The following ASXL1 variants were observed in gnomAD, a reference collection of about 807,000 sequenced individuals.
ASXL1 encodes the protein polycomb group protein ASXL1.
ASXL1 carries 65 observed loss-of-function variants against 89.1 expected under a neutral mutation model. That is an observed-to-expected ratio of 0.73 (90% confidence interval 0.60 to 0.90). The LOEUF (loss-of-function observed/expected upper bound fraction) is 0.90, where lower values mean the gene tolerates loss of function less well. ASXL1 is among the 40% of genes least tolerant of loss of function. The pLI, the probability that ASXL1 is intolerant of heterozygous loss-of-function variation, is 0.00. For missense variants in ASXL1, 1,786 were observed against 1,942.9 expected, an observed-to-expected ratio of 0.92 and a Z score of 1.52; for synonymous variants, 739 against 746.9, an observed-to-expected ratio of 0.99 and a Z score of 0.17.
intron 4 of ASXL1, among the ~76,000 whole-genome samples, chr20:32,382,540 C>T (rs759489118): frequency 4.0e-5 from 6 of 148,878 alleles, no homozygotes; most frequent in Non-Finnish European, 8.9e-5. Context: ...GAGGCTGAGT[C>T]GTCAGGAAGT....
At chr20:32,400,066 T>C (rs1238087462) in intron 4 of ASXL1, among the ~76,000 whole-genome samples, 2 of 147,318 alleles carry the variant, frequency 1.4e-5, no homozygotes, top group East Asian at 4.0e-4. Flanking sequence ...CCGGCCATAT[T>C]TTACCTTTTT....
intron 8 of ASXL1, chr20:32,430,328 G>GT (rs965764013): frequency 7.6e-6 from 3 of 395,966 alleles, no homozygotes; most frequent in Non-Finnish European, 1.3e-5. Context: ...CATAGTAAGT[G>GT]TTTGAGTGAG....
intron 8 of ASXL1, chr20:32,430,765 A>G (rs908899059): frequency 3.9e-5 from 11 of 283,984 alleles, no homozygotes; most frequent in Non-Finnish European, 6.7e-5. Flanking sequence ...TGCTCAATCT[A>G]AGGTCTCACA....
At chr20:32,407,152 G>A (rs1468670047) in intron 4 of ASXL1, among the ~76,000 whole-genome samples, 1 of 152,072 alleles carries the variant, frequency 6.6e-6, no homozygotes, top group Non-Finnish European at 1.5e-5. Context: ...GATTAGCCTG[G>A]TCAACATGGT....
chr20:32,414,773 A>T (rs952909271), intron 4 of ASXL1, among the ~76,000 whole-genome samples: 1 of 152,064 alleles, frequency 6.6e-6, no homozygotes, highest in Non-Finnish European at 1.5e-5. Flanking sequence ...GAGGGTGGGG[A>T]CCTAGATGCT....
chr20:32,392,919 G>A (rs1174346674), intron 4 of ASXL1, among the ~76,000 whole-genome samples: 2 of 152,084 alleles, frequency 1.3e-5, no homozygotes, highest in Non-Finnish European at 2.9e-5. Context: ...GGTTCCACGG[G>A]CACTTGAAAA....
At chr20:32,372,302 G>A in intron 4 of ASXL1, 4 of 1,217,300 alleles carry the variant, frequency 3.3e-6, no homozygotes, top group Non-Finnish European at 4.2e-6. Context: ...TTGAATATTT[G>A]CTCAGTACCT....
At chr20:32,427,864 A>G in intron 4 of ASXL1, 6 of 435,304 alleles carry the variant, frequency 1.4e-5, no homozygotes, top group East Asian at 9.6e-5. Context: ...TTAGCACTCC[A>G]CCCTCCCCAG....
intron 4 of ASXL1, 135 bp downstream of exon 4, chr20:32,369,258 T>C: frequency 1.2e-6 from 1 of 832,458 alleles, no homozygotes; most frequent in Non-Finnish European, 2.0e-6. Flanking sequence ...GATGTTTTTC[T>C]TTTTTTTAGA....
chr20:32,386,425 C>CT (rs1038038953), intron 4 of ASXL1, among the ~76,000 whole-genome samples: 74 of 141,604 alleles, frequency 5.2e-4, no homozygotes, highest in African/African-American at 1.2e-3. Context: ...TTTGGGGTTA[C>CT]TTTTTTTTTT....
intron 4 of ASXL1, among the ~76,000 whole-genome samples, chr20:32,386,795 T>TG (rs2048587585): frequency 6.6e-6 from 1 of 150,444 alleles, no homozygotes; most frequent in African/African-American, 2.5e-5. Context: ...CTCTCTTTTT[T>TG]TTTTTTTTTT....
intron 4 of ASXL1, among the ~76,000 whole-genome samples, chr20:32,395,449 A>G (rs2048745510): frequency 6.6e-6 from 1 of 152,004 alleles, no homozygotes; most frequent in Admixed American, 6.6e-5. Flanking sequence ...TTTTCTTTTT[A>G]TCACTGCTTT....
At chr20:32,359,882 G>A in intron 1 of ASXL1, 2 of 715,990 alleles carry the variant, frequency 2.8e-6, no homozygotes, top group Non-Finnish European at 5.2e-6. Context: ...GTAGTAACAG[G>A]TTATACTAAG....
chr20:32,391,751 AGTG>A (rs1442318886), intron 4 of ASXL1, among the ~76,000 whole-genome samples: 1 of 152,144 alleles, frequency 6.6e-6, no homozygotes, highest in Non-Finnish European at 1.5e-5. Context: ...GGCCTCCCAA[AGTG>A]CTGGGATTGC....
At chr20:32,427,965 T>A (rs1294560284) in intron 4 of ASXL1, 163 bp from the exon 5 acceptor site, 1 of 974,606 alleles carries the variant, frequency 1.0e-6, no homozygotes, top group African/African-American at 1.6e-5. Context: ...TAATGATATA[T>A]TTATGAAAAG....
intron 4 of ASXL1, among the ~76,000 whole-genome samples, chr20:32,371,363 G>A (rs111233081): frequency 6.6e-6 from 1 of 152,186 alleles, no homozygotes; most frequent in African/African-American, 2.4e-5. Context: ...ACAGCTCACT[G>A]CAGCCTTGAC....
At position 32,429,876 on chromosome 20, in the gene ASXL1, G is replaced by T; in HGVS notation, c.566-25G>T. On this transcript the variant is annotated intron_variant, in intron 7 of 12. Transcript: ENST00000375687. This position sits in a 1 kb window ranked among gnomAD's most constrained non-coding sequence, Gnocchi z 4.9. ...ATGGGCGCGGCTTGGTGATACTTTT[G>T]ACCAGTGGAATGCTGTGCCTTCAGG... The T allele has an allele frequency of 6.2e-7, 1 of 1,605,676 alleles. No individual in the cohort carries two copies. The highest frequency in any genetic ancestry group is 1.1e-5 in the South Asian group (1 of 90,816).
At chr20:32,383,627 T>C (rs535883759) in intron 4 of ASXL1, among the ~76,000 whole-genome samples, 1 of 152,180 alleles carries the variant, frequency 6.6e-6, no homozygotes, top group Non-Finnish European at 1.5e-5. Flanking sequence ...TTTTCTTTTC[T>C]GTGCCAGATT....
intron 4 of ASXL1, among the ~76,000 whole-genome samples, chr20:32,422,806 C>T (rs1297170317): frequency 3.3e-5 from 5 of 151,724 alleles, no homozygotes; most frequent in Non-Finnish European, 5.9e-5. Context: ...AGGCTGGTCT[C>T]GAACTCCTGA....
Sources: allele counts gnomAD v4.1 joint callset (sites outside exome capture counted in the v4.1 genomes callset), GRCh38; gene constraint gnomAD v4.1.1; non-coding constraint Gnocchi (gnomAD v3.1); transcripts MANE v1.5; gene names NCBI Gene and HGNC (gene_info 2026-07-23, HGNC 2026-07-21).